The following COL4A4 variants were observed in gnomAD, a reference collection of about 807,000 sequenced individuals.
COL4A4 encodes collagen alpha-4(IV) chain.
COL4A4 carries 105 observed loss-of-function variants against 192.9 expected under a neutral mutation model. The ratio of observed to expected loss-of-function variants is 0.54; its 90% CI spans 0.46 to 0.64. The LOEUF (loss-of-function observed/expected upper bound fraction) is 0.64. COL4A4 is among the 30% of genes least tolerant of loss of function. COL4A4 has a pLI of 0.00. For synonymous variants in COL4A4, 762 were observed against 769.9 expected, an observed-to-expected ratio of 0.99 and a Z score of 0.17; for missense variants, 1,967 against 2,169.3, an observed-to-expected ratio of 0.91 and a Z score of 1.85.
intron 1 of COL4A4, among the ~76,000 whole-genome samples, chr2:227,163,405 C>T (rs2065012096): frequency 6.6e-6 from 1 of 152,246 alleles, no homozygotes; most frequent in African/African-American, 2.4e-5. Flanking sequence ...AATGATGATG[C>T]ACCTGTGTTA....
chr2:227,045,799 C>T (rs868862950), intron 35 of COL4A4, among the ~76,000 whole-genome samples: 5 of 54,326 alleles, frequency 9.2e-5, no homozygotes, highest in African/African-American at 2.9e-4. Flanking sequence ...TATATATATA[C>T]ACATATATAT....
intron 1 of COL4A4, among the ~76,000 whole-genome samples, chr2:227,156,251 T>G (rs1397875346): frequency 1.3e-5 from 2 of 151,692 alleles, no homozygotes; most frequent in Non-Finnish European, 2.9e-5. Flanking sequence ...AACAAAAAAT[T>G]TAGCCAGCTG....
chr2:227,130,047 T>C (rs1041732638), intron 4 of COL4A4, among the ~76,000 whole-genome samples: 3 of 152,148 alleles, frequency 2.0e-5, no homozygotes, highest in Non-Finnish European at 4.4e-5. Flanking sequence ...GCCTCCCCTA[T>C]TGCAGGAAAA....
intron 40 of COL4A4, among the ~76,000 whole-genome samples, chr2:227,031,033 G>A (rs1395693832): frequency 6.6e-6 from 1 of 150,748 alleles, no homozygotes; most frequent in Non-Finnish European, 1.5e-5. Flanking sequence ...ATAGATGGTT[G>A]GATGGACAGA....
intron 44 of COL4A4, among the ~76,000 whole-genome samples, chr2:227,018,296 C>G (rs1965329912): frequency 6.6e-6 from 1 of 152,100 alleles, no homozygotes; most frequent in Non-Finnish European, 1.5e-5. Flanking sequence ...GTGTATATGG[C>G]CCCTCACACC....
intron 3 of COL4A4, among the ~76,000 whole-genome samples, chr2:227,141,148 G>A (rs2063181583): frequency 6.6e-6 from 1 of 152,298 alleles, no homozygotes; most frequent in South Asian, 2.1e-4. Flanking sequence ...CCTGTGTAGT[G>A]GACAAATCAC....
At position 227,043,322 on chromosome 2, in the gene COL4A4, G is replaced by T. The variant is rs115644162; in HGVS notation, c.3290-138C>A. The T allele has an allele frequency of 1.7e-3, 1,333 of 762,426 alleles. 13 individuals carry two copies. The African/African-American group carries it at 0.02, about 11-fold the overall frequency. The allele number at this position is 762,426 out of a possible 1,614,324, so 47.2% of individuals were successfully genotyped here. ...AGTTTCTATTGGAAAGGAAAATAAC[G>T]TTAAGGAAAAACTGATAACAAAATG... On this transcript the variant is annotated intron_variant, in intron 35 of 47. Coordinates refer to ENST00000396625, the MANE Select transcript of COL4A4 (RefSeq NM_000092.5).
chr2:226,992,991 T>G, the COL4A4 span, among the ~76,000 whole-genome samples: 83 of 152,240 alleles, frequency 5.5e-4, 3 homozygotes, highest in South Asian at 2.1e-3. Context: ...GTGTGATGAT[T>G]ATTCTTCTCA....
intron 37 of COL4A4, among the ~76,000 whole-genome samples, chr2:227,038,581 T>C (rs188578077): frequency 2.0e-3 from 303 of 152,328 alleles, no homozygotes; most frequent in African/African-American, 7.1e-3. Context: ...AAATTTAAAG[T>C]AGTTTTTTGT....
At chr2:227,085,072 G>A (rs778436550) in intron 22 of COL4A4, among the ~76,000 whole-genome samples, 9 of 151,936 alleles carry the variant, frequency 5.9e-5, no homozygotes, top group Admixed American at 2.6e-4. Flanking sequence ...CAGATGTTGC[G>A]GTGAGCTGAG....
chr2:227,101,597 A>G, intron 16 of COL4A4, 40 bp from the exon 17 acceptor site: 2 of 1,530,710 alleles, frequency 1.3e-6, no homozygotes, highest in Non-Finnish European at 1.8e-6. Flanking sequence ...AAAAAAAGTG[A>G]CTGGGTGACA....
chr2:227,024,548 G>A (rs751133240), intron 43 of COL4A4, among the ~76,000 whole-genome samples: 5 of 152,210 alleles, frequency 3.3e-5, no homozygotes, highest in Non-Finnish European at 7.3e-5. Flanking sequence ...TTCTTCAAAT[G>A]TATGCAAAAG....
At chr2:227,139,406 A>T (rs1421042904) in intron 4 of COL4A4, among the ~76,000 whole-genome samples, 7 of 152,222 alleles carry the variant, frequency 4.6e-5, no homozygotes, top group Non-Finnish European at 1.5e-5. Flanking sequence ...GAATTGTTTG[A>T]TCTAATACTT....
intron 35 of COL4A4, among the ~76,000 whole-genome samples, chr2:227,046,274 T>C (rs1168338680): frequency 1.3e-5 from 2 of 150,342 alleles, no homozygotes; most frequent in East Asian, 3.9e-4. Flanking sequence ...TCAGAAAATA[T>C]CTAATATTCT....
chr2:227,013,973 G>GAA (rs1352184012), intron 44 of COL4A4, among the ~76,000 whole-genome samples: 1 of 152,144 alleles, frequency 6.6e-6, no homozygotes, highest in Non-Finnish European at 1.5e-5. Context: ...ACCCTGTCAT[G>GAA]AAAAGGATGC....
chr2:227,029,642 T>C (rs549100061), intron 41 of COL4A4, among the ~76,000 whole-genome samples: 1 of 152,340 alleles, frequency 6.6e-6, no homozygotes, highest in African/African-American at 2.4e-5. Flanking sequence ...TCCTTATTTA[T>C]GAAATAGGGA....
In COL4A4 at chr2:227,123,168, G is replaced by A. The variant is rs891424290; in HGVS notation, c.193-2020C>T. Among the ~76,000 whole-genome samples, 5 of 152,122 alleles carry A rather than the reference G, an allele frequency of 3.3e-5. No individual in the cohort carries two copies. In the South Asian group the frequency reaches 6.2e-4, roughly 19 times the overall value. On this transcript the variant is annotated intron_variant, in intron 4 of 47. Transcript: ENST00000396625. The surrounding 1 kb of genome is among the most constrained non-coding windows in gnomAD (Gnocchi z 4.6). Reference sequence around the variant, plus strand: ...GGTGTAAGCCACCATGCCCAGGTGGGATGTCACTTTAGATAGTGCTGCTGG... The same window carrying A: ...GGTGTAAGCCACCATGCCCAGGTGGAATGTCACTTTAGATAGTGCTGCTGG...
Position 227,051,580 on chromosome 2 carries a change from GGCA to G in COL4A4, c.2969-425_2969-423del, listed in dbSNP as rs1308453673. ...AATGTTTCTGTGGACCATTAGCATG[GGCA>G]TTGGGGTGTCTGTTAGAAAGGCAGG... On this transcript the variant is annotated intron_variant, in intron 32 of 47. Transcript: ENST00000396625. Among the ~76,000 whole-genome samples the G allele has an allele frequency of 3.7e-3, 559 of 152,262 alleles. 3 individuals are homozygous for G. The highest frequency in any genetic ancestry group is 6.6e-3 in the Non-Finnish European group (452 of 68,026).
intron 25 of COL4A4, among the ~76,000 whole-genome samples, chr2:227,065,656 G>A (rs1385067121): frequency 6.6e-6 from 1 of 152,170 alleles, no homozygotes; most frequent in East Asian, 1.9e-4. Flanking sequence ...CAACAGACCT[G>A]CAGCTGAGGG....
Sources: gnomAD v4.1 joint callset for allele counts (sites outside exome capture counted in the v4.1 genomes callset) on GRCh38, gnomAD v4.1.1 for gene constraint, Gnocchi (gnomAD v3.1) non-coding constraint, MANE v1.5 for transcripts, NCBI Gene and HGNC (gene_info 2026-07-23, HGNC 2026-07-21) for gene names.